The following ERCC6L2 variants were observed in gnomAD, a reference collection of about 807,000 sequenced individuals.
ERCC6L2 encodes the protein DNA excision repair protein ERCC-6-like 2.
Under a neutral mutation model 132.0 loss-of-function variants are expected in ERCC6L2, and 77 were observed. The observed-to-expected ratio is 0.58, with a 90% confidence interval of 0.49 to 0.71. ERCC6L2 has a LOEUF of 0.71. ERCC6L2 is among the 30% of genes least tolerant of loss of function. The pLI is 0.00. For synonymous variants in ERCC6L2, 583 were observed against 632.4 expected, an observed-to-expected ratio of 0.92 and a Z score of 1.17; for missense variants, 1,542 against 1,837.6, an observed-to-expected ratio of 0.84 and a Z score of 2.94.
At chr9:95,923,513 C>T in intron 9 of ERCC6L2, 134 bp downstream of exon 9, 1 of 1,000,720 alleles carries the variant, frequency 1.0e-6, no homozygotes, top group Non-Finnish European at 1.5e-6. Flanking sequence ...ACAAGTGGTG[C>T]AATTGTATCA....
chr9:96,022,087 C>A (rs530598912), downstream of ERCC6L2, among the ~76,000 whole-genome samples: 1 of 152,372 alleles, frequency 6.6e-6, no homozygotes, highest in Non-Finnish European at 1.5e-5. Flanking sequence ...TGGCCGCTCT[C>A]AACCTGTTAC....
intron 11 of ERCC6L2, among the ~76,000 whole-genome samples, chr9:95,933,121 CTG>C (rs1830411983): frequency 6.6e-6 from 1 of 152,156 alleles, no homozygotes; most frequent in Admixed American, 6.5e-5. Flanking sequence ...GAGATCTTAT[CTG>C]TGGCTCATAT....
At chr9:96,006,985 A>G (rs1833883948) in intron 18 of ERCC6L2, among the ~76,000 whole-genome samples, 1 of 152,218 alleles carries the variant, frequency 6.6e-6, no homozygotes, top group African/African-American at 2.4e-5. Flanking sequence ...TCTGTTGCAG[A>G]AACAAGTAGA....
At chr9:95,910,725 C>T (rs1274253317) in intron 4 of ERCC6L2, among the ~76,000 whole-genome samples, 2 of 152,164 alleles carry the variant, frequency 1.3e-5, no homozygotes, top group African/African-American at 4.8e-5. Context: ...CCACTTTTGT[C>T]AGGTCTGGGA....
chr9:95,916,194 A>T (rs760677694), intron 5 of ERCC6L2, 33 bp from the exon 6 acceptor site: 16 of 1,583,828 alleles, frequency 1.0e-5, no homozygotes, highest in Non-Finnish European at 1.4e-5. Context: ...TAGATAATAA[A>T]GCCCTTACAT....
rs1375604087 is a variant in ERCC6L2 at position 95,966,968 on chromosome 9, T to C, written c.2100+254T>C. On this transcript the variant is annotated intron_variant, in intron 14 of 18. Transcript: ENST00000653738. ...CTGGGTAGTATGAACTCCAAGGCAA[T>C]TTTAAATAGGCAGAGAGAAGTTTAT... 1.1e-5 allele frequency: 3 copies of C among 284,404 alleles called. No homozygotes were observed. The East Asian group carries it at 1.8e-4, about 17-fold the overall frequency. The allele number at this position is 284,404 out of a possible 1,614,324, so 17.6% of individuals were successfully genotyped here.
rs75527357 is a variant in ERCC6L2, at chr9:96,009,408, T to G, written c.3675-2817T>G. ...TGCACCTCCCTCTACTGCAGTCACA[T>G]GATCATCTGAATGAAGTGTTCAGTC... is the stretch of plus-strand genomic sequence containing the variant. On this transcript the variant is annotated intron_variant, in intron 18 of 18. Transcript: ENST00000653738. Among the ~76,000 whole-genome samples the G allele has an allele frequency of 7.9e-3, 1,201 of 152,324 alleles. 11 individuals are homozygous for G. Among genetic ancestry groups the G allele is most frequent in the Non-Finnish European group, 0.012 (839 of 68,014 alleles).
At chr9:96,022,647 G>C (rs1056791753), downstream of ERCC6L2, among the ~76,000 whole-genome samples, 1 of 152,304 alleles carries the variant, frequency 6.6e-6, no homozygotes, top group East Asian at 1.9e-4. Context: ...CGGGCCAGAC[G>C]GCAGCGAGTG....
chr9:95,912,078 C>CATTT (rs1829366613), intron 4 of ERCC6L2, among the ~76,000 whole-genome samples: 2 of 152,154 alleles, frequency 1.3e-5, no homozygotes, highest in African/African-American at 4.8e-5. Flanking sequence ...GACTATTGAA[C>CATTT]ATTTACATGA....
At chr9:95,878,504 C>T (rs1439403470) in intron 1 of ERCC6L2, among the ~76,000 whole-genome samples, 3 of 147,146 alleles carry the variant, frequency 2.0e-5, no homozygotes, top group Middle Eastern at 3.4e-3. Context: ...TTTTAAATGC[C>T]AGCTTTTTTT....
chr9:95,962,791 G>A (rs896250999), intron 13 of ERCC6L2, among the ~76,000 whole-genome samples: 4 of 152,076 alleles, frequency 2.6e-5, no homozygotes, highest in African/African-American at 9.7e-5. Context: ...TAAGCCTATC[G>A]TAAGTCCAAA....
intron 11 of ERCC6L2, among the ~76,000 whole-genome samples, chr9:95,938,144 C>G (rs1026580103): frequency 6.6e-6 from 1 of 151,636 alleles, no homozygotes; most frequent in African/African-American, 2.4e-5. Context: ...TGTTGTCCTC[C>G]TGAAATGTAT....
intron 19 of ERCC6L2, among the ~76,000 whole-genome samples, chr9:96,030,701 CA>C (rs35421948): frequency 0.014 from 1,110 of 79,952 alleles, 11 homozygotes; most frequent in African/African-American, 0.045. Flanking sequence ...GACTCCATCT[CA>C]AAAAAAAAAA....
intron 11 of ERCC6L2, among the ~76,000 whole-genome samples, chr9:95,931,236 G>A (rs576510712): frequency 5.3e-5 from 8 of 152,196 alleles, no homozygotes; most frequent in African/African-American, 1.7e-4. Flanking sequence ...CTCTCAGTCT[G>A]TTTCTGCCCT....
At position 95,922,405 on chromosome 9, in the gene ERCC6L2, C is replaced by G; in HGVS notation, c.1400C>G (p.Thr467Ser). 1.2e-6 allele frequency: 2 copies of G among 1,603,342 alleles called. No homozygotes were observed. Among genetic ancestry groups the G allele is most frequent in the Non-Finnish European group, 1.7e-6 (2 of 1,170,692 alleles). Residue 467 changes from threonine (T) to serine (S), a missense_variant, in exon 8 of 19, where the codon ACT becomes AGT. Around this residue, in one of 4 missense-constraint regions of ERCC6L2, gnomAD observed 945 missense variants for 1,105.2 expected, o/e 0.86. Transcript: ENST00000653738. ...NHVALLQAAS[T>S]SKQQETLIKR... ...GTCGCGCTACTGCAAGCTGCTAGTA[C>G]TTCCAAACAACAGGTTTGGTTAGCA...
At chr9:95,994,437 G>T (rs1292575488) in intron 17 of ERCC6L2, among the ~76,000 whole-genome samples, 1 of 152,216 alleles carries the variant, frequency 6.6e-6, no homozygotes, top group Non-Finnish European at 1.5e-5. Flanking sequence ...TTATGGAAGA[G>T]TTGGTGCAGC....
chr9:95,927,839 A>G (rs567578840), intron 9 of ERCC6L2, among the ~76,000 whole-genome samples: 8 of 152,310 alleles, frequency 5.3e-5, no homozygotes, highest in Admixed American at 4.6e-4. Flanking sequence ...ACCAGATGAG[A>G]TGAAATAAAA....
chr9:95,889,102 C>G (rs533504849), intron 2 of ERCC6L2, among the ~76,000 whole-genome samples: 1 of 152,202 alleles, frequency 6.6e-6, no homozygotes, highest in East Asian at 1.9e-4. Context: ...TTAAATAAAG[C>G]TAATCTATAC....
At chr9:95,934,904 A>G (rs1399821238) in intron 11 of ERCC6L2, among the ~76,000 whole-genome samples, 1 of 152,192 alleles carries the variant, frequency 6.6e-6, no homozygotes, top group African/African-American at 2.4e-5. Flanking sequence ...AAAGATGAGG[A>G]CATTTCTTTT....
Sources: allele counts gnomAD v4.1 joint callset (sites outside exome capture counted in the v4.1 genomes callset), GRCh38; gene constraint gnomAD v4.1.1; regional missense constraint gnomAD v4.1.1; transcripts MANE v1.5; gene names NCBI Gene and HGNC (gene_info 2026-07-23, HGNC 2026-07-21).